The following DOCK7 variants were observed in gnomAD, a reference collection of about 807,000 sequenced individuals.
The protein encoded by DOCK7 is dedicator of cytokinesis protein 7.
Under a neutral mutation model 271.0 loss-of-function variants are expected in DOCK7, and 138 were observed. The ratio of observed to expected loss-of-function variants is 0.51; its 90% CI spans 0.44 to 0.59. The LOEUF is 0.59. Ranked by LOEUF, DOCK7 falls within the 20% of genes least tolerant of loss-of-function variation. The pLI, the probability that DOCK7 is intolerant of heterozygous loss-of-function variation, is 0.00. For missense variants in DOCK7, 2,066 were observed against 2,592.4 expected (o/e 0.80, Z 4.41); for synonymous variants, 823 against 876.1 (o/e 0.94, Z 1.07).
At chr1:62,685,751 G>A (rs1011085166) in intron 1 of DOCK7, among the ~76,000 whole-genome samples, 7 of 151,966 alleles carry the variant, frequency 4.6e-5, no homozygotes, top group African/African-American at 9.7e-5. Flanking sequence ...TTTTCCTCCT[G>A]TACTCCCTTA....
intron 47 of DOCK7, 109 bp downstream of exon 47, chr1:62,475,099 G>T: frequency 3.2e-6 from 4 of 1,257,596 alleles, no homozygotes; most frequent in Non-Finnish European, 4.2e-6. Flanking sequence ...AATACAGGCA[G>T]TAGAGAAGGC....
chr1:62,540,544 T>G (rs2149395309), intron 25 of DOCK7, among the ~76,000 whole-genome samples: 1 of 152,314 alleles, frequency 6.6e-6, no homozygotes, highest in Non-Finnish European at 1.5e-5. Flanking sequence ...AATTCTAAGC[T>G]TTGAAAGGTT....
At chr1:62,469,867 G>C (rs1236558100) in intron 48 of DOCK7, among the ~76,000 whole-genome samples, 1 of 149,268 alleles carries the variant, frequency 6.7e-6, no homozygotes, top group Non-Finnish European at 1.5e-5. Context: ...TGCAATACCT[G>C]CCACCTTATT....
chr1:62,600,626 T>C (rs1649973293), intron 14 of DOCK7, among the ~76,000 whole-genome samples: 1 of 151,862 alleles, frequency 6.6e-6, no homozygotes, highest in African/African-American at 2.4e-5. Context: ...CAGATATGTT[T>C]ACAGGTCAAA....
intron 14 of DOCK7, chr1:62,597,764 C>G: frequency 6.2e-7 from 1 of 1,613,368 alleles, no homozygotes; most frequent in Non-Finnish European, 8.5e-7. Context: ...AGACGAAGGG[C>G]CAAATTAATG....
intron 7 of DOCK7, among the ~76,000 whole-genome samples, chr1:62,644,298 A>G (rs1656373531): frequency 6.6e-6 from 1 of 152,140 alleles, no homozygotes; most frequent in Non-Finnish European, 1.5e-5. Context: ...AATTCTCAAG[A>G]GCTTTCTCTT....
Position 62,475,961 on chromosome 1 carries a change from C to T in DOCK7, c.5725-18G>A. ...ATATATGCCTAGGAAAGAAAAAAGTCCTTCATTTCCTCACTGTTAAGTCAT... is the reference window on the plus strand; with the variant it reads ...ATATATGCCTAGGAAAGAAAAAAGTTCTTCATTTCCTCACTGTTAAGTCAT... On this transcript the variant is annotated intron_variant, in intron 45 of 49. Transcript: ENST00000635253. 3 of 1,607,998 alleles carry T rather than the reference C, an allele frequency of 1.9e-6. No individual in the cohort carries two copies. Among genetic ancestry groups the T allele is most frequent in the Admixed American group, 1.7e-5 (1 of 59,892 alleles).
In DOCK7 at chr1:62,529,455, AAAG is replaced by A. The variant is rs748590922; in HGVS notation, c.3612-12_3612-10del. 139 of 1,594,724 alleles carry A rather than the reference AAAG, an allele frequency of 8.7e-5. No individual in the cohort carries two copies. Among genetic ancestry groups the A allele is most frequent in the Middle Eastern group, 5.1e-4 (3 of 5,930 alleles). On this transcript the variant is annotated splice_polypyrimidine_tract_variant and intron_variant, in intron 29 of 49. Coordinates refer to ENST00000635253, the MANE Select transcript of DOCK7 (RefSeq NM_001367561.1). ...TATGCAATCCAAACAGTCTATTTAA[AAAG>A]AAGAAGACAAAGAAGAAAAAGCAGT...
intron 10 of DOCK7, 81 bp downstream of exon 10, chr1:62,633,417 A>T (rs1654868933): frequency 9.4e-7 from 1 of 1,069,244 alleles, no homozygotes; most frequent in Non-Finnish European, 1.4e-6. Flanking sequence ...GCTATTGCAT[A>T]TAAAATGCTA....
rs1557626195 is a variant in DOCK7, at chr1:62,496,374, C to T, written c.4888G>A (p.Asp1630Asn). ...LKTILTYAEEDLELRETTFPD... is the reference protein window; with the variant it reads ...LKTILTYAEENLELRETTFPD... ...AATGTTGTTTCCCTCAATTCCAGAT[C>T]TTCTTCAGCATATGTCAATATAGTC... Residue 1630 changes from aspartate to asparagine, a missense_variant, in exon 38 of 50, where the codon GAT becomes AAT. Asp to Asn is a conservative substitution (Grantham distance 23). Around this residue, in one of 2 missense-constraint regions of DOCK7, gnomAD observed 652 missense variants for 922.1 expected, o/e 0.71. Transcript: ENST00000635253. The T allele has an allele frequency of 1.9e-6, 3 of 1,613,280 alleles. No individual in the cohort carries two copies. The highest frequency in any genetic ancestry group is 2.5e-6 in the Non-Finnish European group (3 of 1,179,576).
chr1:62,535,462 T>A, intron 29 of DOCK7, 31 bp downstream of exon 29: 1 of 1,600,572 alleles, frequency 6.2e-7, no homozygotes, highest in Non-Finnish European at 8.5e-7. Context: ...ATCAAACTCA[T>A]ATTCTACAAG....
At position 62,551,025 on chromosome 1, in the gene DOCK7, G is replaced by A. The variant is rs558460705; in HGVS notation, c.2766+1707C>T. Among the ~76,000 whole-genome samples, 332 of 152,128 alleles carry A rather than the reference G, an allele frequency of 2.2e-3. 2 individuals carry two copies. The highest frequency in any genetic ancestry group is 7.6e-3 in the African/African-American group (317 of 41,506). ...CATGAGCCACCATACCCAGCCTGATGGGAATAATTATAATGATTGCCCACA... is the reference window on the plus strand; with the variant it reads ...CATGAGCCACCATACCCAGCCTGATAGGAATAATTATAATGATTGCCCACA... On this transcript the variant is annotated intron_variant, in intron 22 of 49. Transcript: ENST00000635253.
In DOCK7 at chr1:62,546,052, A is replaced by C. The variant is rs567168661; in HGVS notation, c.2767-1013T>G. On this transcript the variant is annotated intron_variant, in intron 22 of 49. Coordinates refer to ENST00000635253, the MANE Select transcript of DOCK7 (RefSeq NM_001367561.1). Reference sequence around the variant, plus strand: ...GACAATCGAAGACAAGCTGATGTAAACATATCAGGACATGAGTACAGACCC... The same window carrying C: ...GACAATCGAAGACAAGCTGATGTAACCATATCAGGACATGAGTACAGACCC... 2.6e-5 allele frequency among the ~76,000 whole-genome samples: 4 copies of C among 152,182 alleles called. No homozygotes were observed. The South Asian group carries it at 6.2e-4, about 24-fold the overall frequency.
chr1:62,610,359 C>A (rs867141436), intron 14 of DOCK7, among the ~76,000 whole-genome samples: 4 of 151,940 alleles, frequency 2.6e-5, no homozygotes, highest in Admixed American at 6.6e-5. Context: ...TTTTCAGTAA[C>A]GTTCAGCTGA....
chr1:62,510,301 G>A (rs1022649430), intron 34 of DOCK7, among the ~76,000 whole-genome samples: 4 of 152,052 alleles, frequency 2.6e-5, no homozygotes, highest in Non-Finnish European at 5.9e-5. Context: ...CCTAAAATAT[G>A]TTCAAAAAAT....
chr1:62,591,442 C>A (rs751312585), intron 14 of DOCK7, among the ~76,000 whole-genome samples: 1 of 151,870 alleles, frequency 6.6e-6, no homozygotes, highest in Admixed American at 6.6e-5. Flanking sequence ...TACAACTAAC[C>A]CCTGTAACAC....
chr1:62,484,698 G>T (rs1336278136), intron 43 of DOCK7: 1 of 151,832 alleles, frequency 6.6e-6, no homozygotes, highest in Admixed American at 6.6e-5. Flanking sequence ...ATGTTGTCCA[G>T]GCTGGTACAA....
At position 62,475,926 on chromosome 1, in the gene DOCK7, G is replaced by C. The variant is rs766918811; in HGVS notation, c.5742C>G (p.Thr1914=). Residue 1914 remains threonine (T), a synonymous_variant, in exon 46 of 50, where the codon ACC becomes ACG. Transcript: ENST00000635253. The part of the protein sequence containing the change: ...LDPNKAYIQI[T]YVEPYFDTYE... ...ATGTGTCAAAGTATGGCTCCACATA[G>C]GTAATCTGAATATATGCCTAGGAAA... 1.2e-6 allele frequency: 2 copies of C among 1,613,658 alleles called. No homozygotes were observed. Among genetic ancestry groups the C allele is most frequent in the South Asian group, 2.2e-5 (2 of 91,062 alleles).
chr1:62,663,789 T>G (rs1658957061), intron 1 of DOCK7, among the ~76,000 whole-genome samples: 1 of 152,230 alleles, frequency 6.6e-6, no homozygotes, highest in Admixed American at 6.5e-5. Context: ...ACTGGAAATG[T>G]TTACACAAAA....
Sources: allele counts gnomAD v4.1 joint callset (sites outside exome capture counted in the v4.1 genomes callset), GRCh38; gene constraint gnomAD v4.1.1; regional missense constraint gnomAD v4.1.1; transcripts MANE v1.5; gene names NCBI Gene and HGNC (gene_info 2026-07-23, HGNC 2026-07-21).